The following PTCHD4 variants were observed in gnomAD, a reference collection of about 807,000 sequenced individuals.
PTCHD4 encodes the protein patched domain-containing protein 4.
Under a neutral mutation model 58.1 loss-of-function variants are expected in PTCHD4, and 33 were observed. The observed-to-expected ratio is 0.57, with a 90% confidence interval of 0.43 to 0.76. The LOEUF is 0.76. Among genes scored for constraint, PTCHD4 ranks in the 30% least tolerant of loss-of-function variants. PTCHD4 has a pLI of 0.00. For missense variants in PTCHD4, 1,058 were observed against 1,027.1 expected, an observed-to-expected ratio of 1.03 and a Z score of -0.41; for synonymous variants, 478 against 409.6, an observed-to-expected ratio of 1.17 and a Z score of -2.02.
intron 3 of PTCHD4, among the ~76,000 whole-genome samples, chr6:48,012,608 A>G (rs1762720834): frequency 2.6e-5 from 4 of 152,140 alleles, no homozygotes; most frequent in Admixed American, 2.0e-4. Context: ...TTCCAATACT[A>G]TGTTGAATAG....
intron 4 of PTCHD4, among the ~76,000 whole-genome samples, chr6:47,939,815 A>G (rs972211422): frequency 3.3e-5 from 5 of 152,138 alleles, no homozygotes; most frequent in Non-Finnish European, 7.3e-5. Flanking sequence ...TATTAAACAA[A>G]GAACAAAATT....
intron 1 of PTCHD4, among the ~76,000 whole-genome samples, chr6:48,089,056 A>T (rs1765315515): frequency 6.6e-6 from 1 of 152,062 alleles, no homozygotes; most frequent in Non-Finnish European, 1.5e-5. Flanking sequence ...CAAAACAAAT[A>T]AATAAATAAA....
At chr6:47,947,399 T>C (rs776486010) in intron 4 of PTCHD4, among the ~76,000 whole-genome samples, 8 of 152,178 alleles carry the variant, frequency 5.3e-5, no homozygotes, top group Non-Finnish European at 1.0e-4. Flanking sequence ...TATTCATGTT[T>C]CTTTTAGTAT....
At chr6:47,961,087 T>G (rs969941316) in intron 4 of PTCHD4, among the ~76,000 whole-genome samples, 1 of 151,364 alleles carries the variant, frequency 6.6e-6, no homozygotes, top group East Asian at 1.9e-4. Flanking sequence ...TATCACATAC[T>G]AGGCCATCAA....
chr6:47,955,727 G>A (rs922399100), intron 4 of PTCHD4, among the ~76,000 whole-genome samples: 2 of 152,082 alleles, frequency 1.3e-5, no homozygotes, highest in African/African-American at 4.8e-5. Flanking sequence ...GTTTACTTGT[G>A]GTTACATACA....
intron 3 of PTCHD4, among the ~76,000 whole-genome samples, chr6:48,057,081 A>T (rs115905113): frequency 6.6e-6 from 1 of 152,166 alleles, no homozygotes; most frequent in Non-Finnish European, 1.5e-5. Flanking sequence ...GTGCCCAAGC[A>T]TATGCTCTCT....
chr6:47,986,086 C>T (rs1218247687), intron 4 of PTCHD4, among the ~76,000 whole-genome samples: 13 of 151,738 alleles, frequency 8.6e-5, no homozygotes, highest in Admixed American at 1.3e-4. Context: ...ACAGTATGAC[C>T]CCTGTTTGTA....
intron 3 of PTCHD4, among the ~76,000 whole-genome samples, chr6:48,015,932 C>T (rs926540239): frequency 6.6e-6 from 1 of 151,686 alleles, no homozygotes; most frequent in Middle Eastern, 3.2e-3. Flanking sequence ...GACTAGTTTG[C>T]TAAGACCAGG....
intron 4 of PTCHD4, among the ~76,000 whole-genome samples, chr6:47,885,370 G>GA (rs1764158549): frequency 6.6e-6 from 1 of 152,044 alleles, no homozygotes; most frequent in Non-Finnish European, 1.5e-5. Flanking sequence ...TAACAATAAG[G>GA]AAAACCTACA....
intron 3 of PTCHD4, among the ~76,000 whole-genome samples, chr6:48,033,552 C>A (rs567843180): frequency 7.9e-5 from 12 of 151,696 alleles, no homozygotes; most frequent in Admixed American, 4.6e-4. Flanking sequence ...GCAAAAAACG[C>A]CCCAGGCCAT....
In PTCHD4 at chr6:47,875,839, A is replaced by C. The variant is rs1763832867; in HGVS notation, c.*2464T>G. 6.6e-6 allele frequency among the ~76,000 whole-genome samples: 1 copy of C among 151,794 alleles called. No homozygotes were observed. The highest frequency in any genetic ancestry group is 1.5e-5 in the Non-Finnish European group (1 of 67,876). ...AAATCAGCCTGCCATTCTTCTTTGC[A>C]TGCAGAATGGTCTATAGGAACCAAG... On this transcript the variant is annotated 3_prime_UTR_variant, in exon 5 of 5. Transcript: ENST00000339488.
At chr6:48,013,379 T>TTC (rs1762754882) in intron 3 of PTCHD4, among the ~76,000 whole-genome samples, 2 of 151,558 alleles carry the variant, frequency 1.3e-5, no homozygotes, top group South Asian at 4.2e-4. Flanking sequence ...AGTTGAGTTT[T>TTC]TTTTTTTTTT....
intron 4 of PTCHD4, among the ~76,000 whole-genome samples, chr6:47,950,631 C>T (rs1045653641): frequency 9.9e-5 from 15 of 152,024 alleles, no homozygotes; most frequent in African/African-American, 3.6e-4. Context: ...TTTTGTGATG[C>T]TTATTAGACA....
chr6:48,035,718 A>C (rs1763608337), intron 3 of PTCHD4, among the ~76,000 whole-genome samples: 1 of 152,136 alleles, frequency 6.6e-6, no homozygotes, highest in Admixed American at 6.6e-5. Context: ...ATATCTGATC[A>C]GGTTCCTCAT....
chr6:47,878,024 T>A lies in PTCHD4; in HGVS notation c.*279A>T, dbSNP rs1763892535. On this transcript the variant is annotated 3_prime_UTR_variant, in exon 5 of 5. Transcript: ENST00000339488. ...AAGCTGGTTATTTTGGCCTTCTATC[T>A]TAACACTCCATTGATTCATCCATTC... is the stretch of plus-strand genomic sequence containing the variant. The A allele has an allele frequency of 3.5e-6, 1 of 285,852 alleles. No individual in the cohort carries two copies. Among genetic ancestry groups the A allele is most frequent in the Non-Finnish European group, 6.5e-6 (1 of 154,114 alleles). The allele number at this position is 285,852 out of a possible 1,614,324, so 17.7% of individuals were successfully genotyped here. A position where few individuals can be genotyped will look rare whatever the true frequency, so the allele number is the denominator to read the frequency against.
chr6:48,007,742 A>G (rs1205037780), intron 4 of PTCHD4, among the ~76,000 whole-genome samples: 1 of 152,164 alleles, frequency 6.6e-6, no homozygotes, highest in Non-Finnish European at 1.5e-5. Context: ...CCAATAAGCT[A>G]TTTGCAGCTC....
intron 1 of PTCHD4, among the ~76,000 whole-genome samples, chr6:48,097,893 C>T (rs1046214695): frequency 2.0e-5 from 3 of 152,184 alleles, no homozygotes; most frequent in African/African-American, 7.2e-5. Context: ...CCAAGCCTTG[C>T]AGCAAGAATG....
chr6:47,889,618 T>C (rs1764313937), intron 4 of PTCHD4, among the ~76,000 whole-genome samples: 1 of 151,912 alleles, frequency 6.6e-6, no homozygotes, highest in Non-Finnish European at 1.5e-5. Flanking sequence ...ATTCCCTATT[T>C]AATAAATGGT....
chr6:48,106,567 C>A (rs1228551444), intron 1 of PTCHD4, among the ~76,000 whole-genome samples: 2 of 152,174 alleles, frequency 1.3e-5, no homozygotes, highest in African/African-American at 4.8e-5. Context: ...TCTCTCACCA[C>A]TCCTATTCAA....
Sources: allele counts gnomAD v4.1 joint callset (sites outside exome capture counted in the v4.1 genomes callset), GRCh38; gene constraint gnomAD v4.1.1; transcripts MANE v1.5; gene names NCBI Gene and HGNC (gene_info 2026-07-23, HGNC 2026-07-21).